Variants in KLHL32 observed in about 807,000 individuals in gnomAD.
KLHL32 encodes kelch like family member 32.
In KLHL32, 35 loss-of-function variants were observed where a neutral mutation model predicts 64.8. The observed-to-expected ratio is 0.54, with a 90% confidence interval of 0.41 to 0.72. The LOEUF (loss-of-function observed/expected upper bound fraction) is 0.72. Among genes scored for constraint, KLHL32 ranks in the 30% least tolerant of loss-of-function variants. The pLI is 0.00. For synonymous variants in KLHL32, 259 were observed against 281.0 expected (o/e 0.92, Z 0.78); for missense variants, 589 against 768.5 (o/e 0.77, Z 2.76).
intron 3 of KLHL32, among the ~76,000 whole-genome samples, chr6:97,003,620 T>G (rs1779313339): frequency 6.6e-6 from 1 of 152,164 alleles, no homozygotes; most frequent in South Asian, 2.1e-4. Flanking sequence ...TTTTTAGAGT[T>G]TTAGGTTTTG....
At chr6:96,987,855 G>T (rs771180527) in intron 3 of KLHL32, among the ~76,000 whole-genome samples, 33 of 133,214 alleles carry the variant, frequency 2.5e-4, no homozygotes, top group Non-Finnish European at 4.3e-4. Context: ...AATGGGGAAA[G>T]GATTCCCTAT....
chr6:97,092,980 A>C (rs1023925373), intron 6 of KLHL32, among the ~76,000 whole-genome samples: 2 of 152,188 alleles, frequency 1.3e-5, no homozygotes, highest in Non-Finnish European at 2.9e-5. Flanking sequence ...TTTTTAAAGA[A>C]TGAGCACAAC....
intron 3 of KLHL32, among the ~76,000 whole-genome samples, chr6:97,029,363 A>C (rs1022000416): frequency 4.6e-5 from 7 of 152,242 alleles, no homozygotes; most frequent in Non-Finnish European, 1.0e-4. Flanking sequence ...TTTAGAAAAA[A>C]AACAATATGT....
intron 6 of KLHL32, among the ~76,000 whole-genome samples, chr6:97,100,960 G>A (rs1384670423): frequency 1.4e-5 from 1 of 70,484 alleles, no homozygotes; most frequent in East Asian, 3.3e-4. Flanking sequence ...TGCCACTGCA[G>A]CCAAGCTTTT....
intron 4 of KLHL32, among the ~76,000 whole-genome samples, chr6:97,060,241 A>G (rs949498916): frequency 1.3e-5 from 2 of 152,216 alleles, no homozygotes; most frequent in African/African-American, 2.4e-5. Context: ...CAGGAGAAAA[A>G]AAAAGGTCAC....
chr6:97,006,937 C>T (rs188828767), intron 3 of KLHL32, among the ~76,000 whole-genome samples: 21 of 152,212 alleles, frequency 1.4e-4, no homozygotes, highest in Admixed American at 3.9e-4. Context: ...TCTTTCATAT[C>T]TACCTTATGG....
intron 1 of KLHL32, among the ~76,000 whole-genome samples, chr6:96,964,895 G>A (rs1582503089): frequency 6.6e-6 from 1 of 152,154 alleles, no homozygotes; most frequent in East Asian, 1.9e-4. Flanking sequence ...GCATGTACAT[G>A]TGTAAGTTTG....
At chr6:96,920,914 A>G (rs571383588), upstream of KLHL32, among the ~76,000 whole-genome samples, 1 of 152,286 alleles carries the variant, frequency 6.6e-6, no homozygotes, top group South Asian at 2.1e-4. Flanking sequence ...TAGAATTGGA[A>G]TTACTGGACC....
chr6:96,981,346 G>C (rs977567110), intron 3 of KLHL32, among the ~76,000 whole-genome samples: 1 of 151,988 alleles, frequency 6.6e-6, no homozygotes, highest in Non-Finnish European at 1.5e-5. Flanking sequence ...TGTGCACATA[G>C]AGGTTTGTAG....
chr6:97,118,619 C>CA lies in KLHL32; in HGVS notation c.1354+4125dup, dbSNP rs376156341. 1.7e-3 allele frequency among the ~76,000 whole-genome samples: 175 copies of CA among 101,250 alleles called. 2 individuals carry two copies. The highest frequency in any genetic ancestry group is 3.8e-3 in the South Asian group (11 of 2,928). The allele number at this position is 101,250 out of a possible 152,430, so 66.4% of individuals were successfully genotyped here. ...GGGCAAGAAAAGCGAAACTGCATCTCAAAAAAAAAAAAAAAGAATTGTAGA... is the reference window on the plus strand; with the variant it reads ...GGGCAAGAAAAGCGAAACTGCATCTCAAAAAAAAAAAAAAAAGAATTGTAGA... On this transcript the variant is annotated intron_variant, in intron 7 of 10. Transcript: ENST00000369261.
chr6:97,048,507 A>C (rs1473634756), intron 4 of KLHL32, among the ~76,000 whole-genome samples: 1 of 152,228 alleles, frequency 6.6e-6, no homozygotes, highest in Non-Finnish European at 1.5e-5. Context: ...CTGTTAAGGG[A>C]AAAATTACTT....
intron 3 of KLHL32, among the ~76,000 whole-genome samples, chr6:97,025,407 A>G (rs998063251): frequency 1.3e-5 from 2 of 152,250 alleles, no homozygotes; most frequent in African/African-American, 4.8e-5. Flanking sequence ...AATCATTCAT[A>G]TCACTTTATA....
At chr6:96,932,353 C>A (rs1048632669) in intron 1 of KLHL32, among the ~76,000 whole-genome samples, 3 of 151,356 alleles carry the variant, frequency 2.0e-5, no homozygotes, top group Non-Finnish European at 4.4e-5. Context: ...TTTATCATTT[C>A]TTGGAGGTAT....
At chr6:96,918,225 G>A in the KLHL32 span, among the ~76,000 whole-genome samples, 4 of 152,194 alleles carry the variant, frequency 2.6e-5, no homozygotes, top group African/African-American at 9.7e-5. Flanking sequence ...AGGATGCGTA[G>A]GGTGAGTTAA....
At chr6:97,093,327 C>A (rs57698486) in intron 6 of KLHL32, among the ~76,000 whole-genome samples, 13 of 152,176 alleles carry the variant, frequency 8.5e-5, no homozygotes, top group Non-Finnish European at 1.3e-4. Flanking sequence ...CATATAATTT[C>A]TCTTGAGTCT....
At chr6:97,076,865 A>T (rs1316685498) in intron 5 of KLHL32, among the ~76,000 whole-genome samples, 1 of 151,880 alleles carries the variant, frequency 6.6e-6, no homozygotes, top group Non-Finnish European at 1.5e-5. Flanking sequence ...TTAATAAATT[A>T]TTTACATTGT....
chr6:97,064,142 G>C (rs749887767), intron 4 of KLHL32, among the ~76,000 whole-genome samples: 1 of 152,198 alleles, frequency 6.6e-6, no homozygotes, highest in Admixed American at 6.5e-5. Context: ...GGACTTAGAA[G>C]TAAAATGGAC....
intron 3 of KLHL32, among the ~76,000 whole-genome samples, chr6:97,025,605 A>T (rs1002727857): frequency 3.9e-5 from 6 of 152,184 alleles, no homozygotes; most frequent in Admixed American, 2.0e-4. Context: ...ACACAGCCTG[A>T]TTCTGTTTGT....
At chr6:97,105,266 T>C (rs993557498) in intron 6 of KLHL32, among the ~76,000 whole-genome samples, 6 of 152,206 alleles carry the variant, frequency 3.9e-5, no homozygotes, top group African/African-American at 1.2e-4. Flanking sequence ...ATACTCTGTT[T>C]AGAAAGGAAA....
Sources: gnomAD v4.1 joint callset for allele counts (sites outside exome capture counted in the v4.1 genomes callset) on GRCh38, gnomAD v4.1.1 for gene constraint, MANE v1.5 for transcripts, NCBI Gene and HGNC (gene_info 2026-07-23, HGNC 2026-07-21) for gene names.